Variants in CORO2A observed in about 807,000 individuals in gnomAD.
The protein encoded by CORO2A is coronin 2A, also known as coronin-2A.
A neutral mutation model predicts 62.4 loss-of-function variants in CORO2A; 47 were observed. The observed-to-expected ratio is 0.75, with a 90% CI of 0.60 to 0.96. CORO2A has a LOEUF of 0.96. CORO2A is among the 40% of genes least tolerant of loss of function. The probability of loss-of-function intolerance (pLI) is 0.00; values close to 1 mark genes in which losing one functional copy is unlikely to be tolerated. For missense variants in CORO2A, 610 were observed against 684.1 expected (o/e 0.89, Z 1.21); for synonymous variants, 273 against 268.9 (o/e 1.02, Z -0.15).
chr9:98,139,102 G>T (rs1827532566), intron 2 of CORO2A, among the ~76,000 whole-genome samples: 1 of 151,812 alleles, frequency 6.6e-6, no homozygotes. Flanking sequence ...GGAGACAGAA[G>T]GCAAGATTCT....
chr9:98,144,813 G>A (rs527406337), intron 2 of CORO2A, among the ~76,000 whole-genome samples: 121 of 152,252 alleles, frequency 7.9e-4, no homozygotes, highest in African/African-American at 2.7e-3. Flanking sequence ...CAGGGCAAGA[G>A]AGGAGGCTGA....
At chr9:98,149,927 TTC>T (rs1827700150) in intron 2 of CORO2A, among the ~76,000 whole-genome samples, 1 of 142,190 alleles carries the variant, frequency 7.0e-6, no homozygotes, top group African/African-American at 2.7e-5. Flanking sequence ...GAGTTTCTTT[TTC>T]TCTTTCTTTT....
intron 10 of CORO2A, among the ~76,000 whole-genome samples, chr9:98,127,590 T>C (rs1224491940): frequency 1.3e-5 from 2 of 151,988 alleles, no homozygotes; most frequent in African/African-American, 2.4e-5. Context: ...GGCAGGTGGA[T>C]CACTTGAGGT....
rs569025247 is a variant in CORO2A at position 98,179,480 on chromosome 9, C to T, written c.-1+13079G>A. Among the ~76,000 whole-genome samples the T allele has an allele frequency of 3.9e-5, 6 of 152,296 alleles. No homozygotes were observed. The East Asian group carries it at 1.2e-3, about 29-fold the overall frequency. Reference sequence around the variant, plus strand: ...CTCCAGGCTGTCCTCATCTCAGATCCCACCTCTCTAAAGCTGAGACCCCAC... The same window carrying T: ...CTCCAGGCTGTCCTCATCTCAGATCTCACCTCTCTAAAGCTGAGACCCCAC... On this transcript the variant is annotated intron_variant, in intron 1 of 11. Coordinates refer to ENST00000375077, the MANE Select transcript of CORO2A (RefSeq NM_052820.4).
chr9:98,179,733 G>A (rs941234636), intron 1 of CORO2A, among the ~76,000 whole-genome samples: 3 of 152,154 alleles, frequency 2.0e-5, no homozygotes, highest in African/African-American at 7.2e-5. Flanking sequence ...GGCCAGGCGC[G>A]GTGGCTCTTG....
chr9:98,126,155 C>T (rs1238630923), intron 11 of CORO2A, among the ~76,000 whole-genome samples: 1 of 151,898 alleles, frequency 6.6e-6, no homozygotes, highest in Non-Finnish European at 1.5e-5. Context: ...CCTGCCTCAA[C>T]CTCTCAAGTA....
intron 3 of CORO2A, 147 bp downstream of exon 3, chr9:98,137,425 C>T: frequency 1.4e-6 from 1 of 701,794 alleles, no homozygotes; most frequent in Non-Finnish European, 2.5e-6. Flanking sequence ...GTCTCCTCCT[C>T]TACCTTAACT....
At chr9:98,131,439 C>T (rs1244714658) in intron 6 of CORO2A, among the ~76,000 whole-genome samples, 1 of 151,876 alleles carries the variant, frequency 6.6e-6, no homozygotes, top group Non-Finnish European at 1.5e-5. Flanking sequence ...GATCCTCTCG[C>T]CTCAGTCTCC....
At chr9:98,169,981 C>A (rs757926881) in intron 1 of CORO2A, among the ~76,000 whole-genome samples, 28 of 152,130 alleles carry the variant, frequency 1.8e-4, no homozygotes, top group Non-Finnish European at 1.6e-4. Context: ...GGGGAGGTAG[C>A]CAAAGGCAGG....
At chr9:98,175,243 G>C (rs1035602365) in intron 1 of CORO2A, among the ~76,000 whole-genome samples, 3 of 152,008 alleles carry the variant, frequency 2.0e-5, no homozygotes, top group Non-Finnish European at 2.9e-5. Flanking sequence ...GGCTCGGTAG[G>C]GTGGGGAGGC....
intron 3 of CORO2A, among the ~76,000 whole-genome samples, chr9:98,135,362 G>T (rs1461637863): frequency 6.6e-6 from 1 of 152,212 alleles, no homozygotes; most frequent in Non-Finnish European, 1.5e-5. Context: ...ATGCCAGGAT[G>T]AAGGGTTTAG....
At chr9:98,146,764 G>C (rs1686384697) in intron 2 of CORO2A, among the ~76,000 whole-genome samples, 1 of 152,198 alleles carries the variant, frequency 6.6e-6, no homozygotes. Context: ...ACTGCACAGG[G>C]TCCTCTGGGA....
intron 1 of CORO2A, among the ~76,000 whole-genome samples, 192 bp downstream of exon 1, chr9:98,192,367 G>C (rs1828315185): frequency 6.6e-6 from 1 of 152,232 alleles, no homozygotes; most frequent in Admixed American, 6.5e-5. Flanking sequence ...CTATCCTGAC[G>C]GGGAAACTGA....
chr9:98,137,367 G>A (rs1196925296), intron 3 of CORO2A, among the ~76,000 whole-genome samples: 4 of 152,160 alleles, frequency 2.6e-5, no homozygotes, highest in Non-Finnish European at 4.4e-5. Flanking sequence ...GGGAACTAAG[G>A]CCCATAGAGA....
Position 98,125,290 on chromosome 9 carries a change from A to C in CORO2A, c.1447-385T>G, listed in dbSNP as rs528878418. Among the ~76,000 whole-genome samples, 123 of 152,322 alleles carry C rather than the reference A, an allele frequency of 8.1e-4. 1 individual carries two copies. The highest frequency in any genetic ancestry group is 1.5e-3 in the Non-Finnish European group (105 of 68,016). ...GGGGTCAGAAAACTGCCCTCTGTGC[A>C]GAATGGGTGTTAGATATTGAGTGAT... On this transcript the variant is annotated intron_variant, in intron 11 of 11. Transcript: ENST00000375077.
chr9:98,128,660 G>A lies in CORO2A; in HGVS notation c.1027C>T (p.Leu343=). 6.2e-7 allele frequency: 1 copy of A among 1,614,208 alleles called. No homozygotes were observed. The highest frequency in any genetic ancestry group is 8.5e-7 in the Non-Finnish European group (1 of 1,180,030). ...TCGATGAGGCTTTTGGTTGTGATCA[G>A]CTTGTAGAAGCGGAAGATCTCGCAG... ...SSCEIFRFYK[L]ITTKSLIEPI... The change falls in exon 9 of 12, where the codon CTG becomes TTG. Residue 343 remains leucine (L), a synonymous_variant. Coordinates refer to ENST00000375077, the MANE Select transcript of CORO2A (RefSeq NM_052820.4).
intron 1 of CORO2A, among the ~76,000 whole-genome samples, chr9:98,176,261 T>G (rs558529157): frequency 6.6e-6 from 1 of 152,302 alleles, no homozygotes; most frequent in East Asian, 1.9e-4. Context: ...TTCTTCAGTT[T>G]TTAGCCAGAC....
At chr9:98,163,741 T>TGAGAGAGAGAGAGA (rs565063006) in intron 1 of CORO2A, among the ~76,000 whole-genome samples, 8 of 139,542 alleles carry the variant, frequency 5.7e-5, no homozygotes, top group African/African-American at 2.0e-4. Context: ...TGTGTGTGTG[T>TGAGAGAGAGAGAGA]GAGAGAGAGA....
chr9:98,179,722 A>G (rs967522438), intron 1 of CORO2A, among the ~76,000 whole-genome samples: 34 of 152,168 alleles, frequency 2.2e-4, no homozygotes, highest in African/African-American at 8.2e-4. Context: ...AATTAAAAAT[A>G]GGCCAGGCGC....
Sources: allele counts gnomAD v4.1 joint callset (sites outside exome capture counted in the v4.1 genomes callset), GRCh38; gene constraint gnomAD v4.1.1; transcripts MANE v1.5; gene names NCBI Gene and HGNC (gene_info 2026-07-23, HGNC 2026-07-21).